The following DDC variants were observed in gnomAD, a reference collection of about 807,000 sequenced individuals.
DDC encodes dopa decarboxylase, also known as aromatic-L-amino-acid decarboxylase.
A neutral mutation model predicts 60.0 loss-of-function variants in DDC; 43 were observed. The ratio of observed to expected loss-of-function variants is 0.72; its 90% CI spans 0.56 to 0.92. DDC has a LOEUF of 0.92. DDC is among the 40% of genes least tolerant of loss of function. The probability of loss-of-function intolerance (pLI) is 0.00; values close to 1 mark genes in which losing one functional copy is unlikely to be tolerated. For synonymous variants in DDC, 232 were observed against 234.6 expected, an observed-to-expected ratio of 0.99 and a Z score of 0.10; for missense variants, 573 against 620.2, an observed-to-expected ratio of 0.92 and a Z score of 0.81.
intron 10 of DDC, among the ~76,000 whole-genome samples, chr7:50,478,089 T>C (rs59150746): frequency 0.04 from 6,014 of 151,906 alleles, 252 homozygotes; most frequent in African/African-American, 0.11. Context: ...GCTGTACGTC[T>C]GTGGTCCCAG....
At chr7:50,545,619 C>T (rs2044777033) in intron 1 of DDC, among the ~76,000 whole-genome samples, 1 of 152,128 alleles carries the variant, frequency 6.6e-6, no homozygotes, top group African/African-American at 2.4e-5. Context: ...ATTATAAGCA[C>T]CCACCACTAT....
At chr7:50,517,323 A>G (rs892078074) in intron 6 of DDC, among the ~76,000 whole-genome samples, 15 of 152,230 alleles carry the variant, frequency 9.9e-5, no homozygotes, top group African/African-American at 3.1e-4. Context: ...CAAAAATCAC[A>G]TGATCATCTC....
At chr7:50,473,326 T>G (rs1392300155) in intron 11 of DDC, among the ~76,000 whole-genome samples, 1 of 152,148 alleles carries the variant, frequency 6.6e-6, no homozygotes. Flanking sequence ...GGCCAACTTG[T>G]GTGTGCTTTC....
chr7:50,529,611 T>A (rs2044140480), intron 4 of DDC, among the ~76,000 whole-genome samples: 1 of 152,158 alleles, frequency 6.6e-6, no homozygotes, highest in Non-Finnish European at 1.5e-5. Context: ...GCGCCAGGTA[T>A]TGTGAGAGCT....
intron 1 of DDC, among the ~76,000 whole-genome samples, chr7:50,547,929 A>C (rs553221009): frequency 6.6e-6 from 1 of 152,346 alleles, no homozygotes; most frequent in Admixed American, 6.5e-5. Context: ...CTATAGGCAC[A>C]ATGTTTCCAA....
chr7:50,544,052 C>T lies in DDC; in HGVS notation c.34G>A (p.Glu12Lys). The T allele has an allele frequency of 6.2e-7, 1 of 1,614,108 alleles. No homozygotes were observed. The highest frequency in any genetic ancestry group is 2.2e-5 in the East Asian group (1 of 44,880). ...TAGTTGGCCATGTAATCCACCATCTCCTTCCCTCTCCTTCGGAATTCACTT... is the reference window on the plus strand; with the variant it reads ...TAGTTGGCCATGTAATCCACCATCTTCTTCCCTCTCCTTCGGAATTCACTT... ...NASEFRRRGK[E>K]MVDYMANYME... Residue 12 changes from glutamate to lysine, a missense_variant, in exon 2 of 15, where the codon GAG becomes AAG. Transcript: ENST00000444124.
At chr7:50,460,945 C>T (rs1240443327) in intron 14 of DDC, among the ~76,000 whole-genome samples, 2 of 151,586 alleles carry the variant, frequency 1.3e-5, no homozygotes, top group Non-Finnish European at 2.9e-5. Flanking sequence ...ATAGGAAAAC[C>T]AGAGACCTTT....
chr7:50,517,930 C>T (rs1377793783), intron 6 of DDC, among the ~76,000 whole-genome samples: 1 of 151,438 alleles, frequency 6.6e-6, no homozygotes. Flanking sequence ...ATAGATGGGG[C>T]CGGGCCTGGT....
intron 9 of DDC, among the ~76,000 whole-genome samples, chr7:50,482,539 CGTT>C (rs1289761156): frequency 2.0e-5 from 3 of 152,270 alleles, no homozygotes; most frequent in Admixed American, 6.5e-5. Flanking sequence ...TACACACACA[CGTT>C]GATATTTAAG....
chr7:50,497,651 A>AT (rs2043155174), intron 8 of DDC, among the ~76,000 whole-genome samples: 1 of 152,172 alleles, frequency 6.6e-6, no homozygotes, highest in African/African-American at 2.4e-5. Context: ...GCAATGAACT[A>AT]TATCAGCTGG....
intron 6 of DDC, 121 bp from the exon 7 acceptor site, chr7:50,504,180 T>C (rs2043332731): frequency 4.0e-6 from 3 of 743,144 alleles, no homozygotes; most frequent in Non-Finnish European, 7.4e-6. Flanking sequence ...TCCCAATGAA[T>C]GTCTGCTACA....
At chr7:50,545,332 G>C (rs1413159819) in intron 1 of DDC, among the ~76,000 whole-genome samples, 1 of 152,194 alleles carries the variant, frequency 6.6e-6, no homozygotes, top group Admixed American at 6.5e-5. Flanking sequence ...AGGAGAATTT[G>C]CATAGGTGGA....
chr7:50,487,324 T>C (rs778180765), intron 9 of DDC, among the ~76,000 whole-genome samples: 5 of 152,194 alleles, frequency 3.3e-5, no homozygotes, highest in Non-Finnish European at 7.4e-5. Flanking sequence ...TAAAGTCATA[T>C]TATATTAAAT....
At chr7:50,480,358 C>T (rs1192934864) in intron 9 of DDC, among the ~76,000 whole-genome samples, 2 of 152,204 alleles carry the variant, frequency 1.3e-5, no homozygotes, top group Non-Finnish European at 1.5e-5. Context: ...GACCTACCAC[C>T]CCACTTGTAC....
At chr7:50,540,524 G>A (rs995399039) in intron 2 of DDC, among the ~76,000 whole-genome samples, 8 of 150,950 alleles carry the variant, frequency 5.3e-5, no homozygotes, top group African/African-American at 9.7e-5. Context: ...CTGGATTTTC[G>A]AGGTTTCTTC....
chr7:50,475,512 C>T (rs1482118424), intron 11 of DDC, among the ~76,000 whole-genome samples: 4 of 152,052 alleles, frequency 2.6e-5, no homozygotes. Context: ...CCTCCTGGCT[C>T]ACAGCTGTCA....
chr7:50,522,779 A>G (rs1322046567), intron 6 of DDC, among the ~76,000 whole-genome samples: 1 of 152,224 alleles, frequency 6.6e-6, no homozygotes, highest in Non-Finnish European at 1.5e-5. Context: ...GTTCCATTAC[A>G]AAGAAAGGAA....
chr7:50,525,080 C>T (rs2044001679), intron 6 of DDC, among the ~76,000 whole-genome samples: 1 of 152,158 alleles, frequency 6.6e-6, no homozygotes, highest in African/African-American at 2.4e-5. Context: ...AAAAGCTGAT[C>T]TTGAAATGTC....
intron 1 of DDC, among the ~76,000 whole-genome samples, chr7:50,546,277 A>G (rs1388658351): frequency 6.6e-6 from 1 of 152,178 alleles, no homozygotes; most frequent in Non-Finnish European, 1.5e-5. Context: ...GACAAGACAG[A>G]TTTTACTCAA....
Sources: allele counts gnomAD v4.1 joint callset (sites outside exome capture counted in the v4.1 genomes callset), GRCh38; gene constraint gnomAD v4.1.1; transcripts MANE v1.5; gene names NCBI Gene and HGNC (gene_info 2026-07-23, HGNC 2026-07-21).